CDH8: variants seen among roughly 807,000 people sequenced by gnomAD.
The protein encoded by CDH8 is cadherin-8.
CDH8 carries 17 observed loss-of-function variants against 68.1 expected under a neutral mutation model. The observed-to-expected ratio is 0.25, with a 90% CI of 0.17 to 0.37. The LOEUF (loss-of-function observed/expected upper bound fraction) is 0.37. Among genes scored for constraint, CDH8 ranks in the 10% least tolerant of loss-of-function variants. The pLI, the probability that CDH8 is intolerant of heterozygous loss-of-function variation, is 1.00. For synonymous variants in CDH8, 372 were observed against 365.1 expected, an observed-to-expected ratio of 1.02 and a Z score of -0.21; for missense variants, 763 against 999.3, an observed-to-expected ratio of 0.76 and a Z score of 3.19.
intron 2 of CDH8, among the ~76,000 whole-genome samples, chr16:61,963,053 C>T (rs890972192): frequency 4.6e-5 from 7 of 152,040 alleles, no homozygotes; most frequent in East Asian, 3.9e-4. Context: ...TCGATAAACA[C>T]GTAAATTAAT....
At chr16:61,665,018 T>A (rs903420301) in intron 10 of CDH8, among the ~76,000 whole-genome samples, 1 of 152,072 alleles carries the variant, frequency 6.6e-6, no homozygotes, top group African/African-American at 2.4e-5. Context: ...ACGTAAATAA[T>A]TCTTCTGTTG....
rs11271459 is a variant in CDH8 at position 61,992,050 on chromosome 16, T to TTGTGTGTGTGTGTGTGTG, written c.252+29084_252+29101dup. Among the ~76,000 whole-genome samples the TTGTGTGTGTGTGTGTGTG allele has an allele frequency of 1.1e-3, 155 of 144,418 alleles. 2 individuals carry two copies. Among genetic ancestry groups the TTGTGTGTGTGTGTGTGTG allele is most frequent in the Admixed American group, 9.3e-3 (131 of 14,026 alleles). The allele number at this position is 144,418 out of a possible 152,430, so 94.7% of individuals were successfully genotyped here. On this transcript the variant is annotated intron_variant, in intron 2 of 11. Transcript: ENST00000577390. ...TTTCTGCACAATACATGCTAAATCT[T>TTGTGTGTGTGTGTGTGTG]TGTGTGTGTGTGTGTGTGTGTGTGT...
At chr16:61,692,140 T>C (rs1964237100) in intron 10 of CDH8, 1 of 152,078 alleles carries the variant, frequency 6.6e-6, no homozygotes, top group African/African-American at 2.4e-5. Flanking sequence ...TGATGAAAGT[T>C]TATCTATCTA....
intron 8 of CDH8, among the ~76,000 whole-genome samples, chr16:61,782,681 A>G (rs1399743179): frequency 7.3e-5 from 11 of 151,394 alleles, no homozygotes; most frequent in Middle Eastern, 3.4e-3. Context: ...GCAGACTTAA[A>G]TGTCCCTGTC....
chr16:61,748,818 C>T (rs1237646561), intron 8 of CDH8, among the ~76,000 whole-genome samples: 1 of 152,002 alleles, frequency 6.6e-6, no homozygotes, highest in Non-Finnish European at 1.5e-5. Context: ...ACAAGACCTC[C>T]TTCTTTGTGA....
At chr16:61,814,025 C>T (rs1393703178) in intron 7 of CDH8, among the ~76,000 whole-genome samples, 1 of 152,124 alleles carries the variant, frequency 6.6e-6, no homozygotes, top group Non-Finnish European at 1.5e-5. Context: ...TCTTAATTTG[C>T]ATTTAAGATG....
intron 2 of CDH8, among the ~76,000 whole-genome samples, chr16:61,906,354 C>T (rs77113585): frequency 0.02 from 3,118 of 152,216 alleles, 101 homozygotes; most frequent in African/African-American, 0.071. Flanking sequence ...GGATCTGGCA[C>T]GTTTACAACC....
At position 61,855,143 on chromosome 16, in the gene CDH8, C is replaced by A. The variant is rs374325241; in HGVS notation, c.667+1976G>T. Among the ~76,000 whole-genome samples, 7 of 152,188 alleles carry A rather than the reference C, an allele frequency of 4.6e-5. No homozygotes were observed. The East Asian group carries it at 1.4e-3, about 29-fold the overall frequency. ...CTCCATTACACTATCCACGATAATG[C>A]CAAATAAACTTTCTAAACTATAAAT... On this transcript the variant is annotated intron_variant, in intron 4 of 11. Coordinates refer to ENST00000577390, the MANE Select transcript of CDH8 (RefSeq NM_001796.5).
At chr16:61,774,294 G>A (rs189821687) in intron 8 of CDH8, among the ~76,000 whole-genome samples, 2 of 151,950 alleles carry the variant, frequency 1.3e-5, no homozygotes, top group Admixed American at 6.6e-5. Flanking sequence ...GACAGGGGAC[G>A]CGAGGCTCCT....
chr16:61,801,046 A>G (rs545752445), intron 7 of CDH8, among the ~76,000 whole-genome samples: 1 of 152,046 alleles, frequency 6.6e-6, no homozygotes, highest in South Asian at 2.1e-4. Flanking sequence ...TGTTTCTCTC[A>G]GAATATAAGC....
intron 4 of CDH8, among the ~76,000 whole-genome samples, chr16:61,828,775 C>G (rs1359218988): frequency 1.3e-5 from 2 of 151,742 alleles, no homozygotes; most frequent in African/African-American, 4.8e-5. Context: ...TTAACCTTAC[C>G]AACTCTGTGA....
intron 7 of CDH8, among the ~76,000 whole-genome samples, chr16:61,811,154 G>C (rs1201248009): frequency 1.3e-5 from 2 of 151,876 alleles, no homozygotes; most frequent in African/African-American, 2.4e-5. Flanking sequence ...GAAATTTCTT[G>C]ACAAAATGTA....
chr16:61,856,662 T>C (rs1326667368), intron 4 of CDH8, among the ~76,000 whole-genome samples: 2 of 152,176 alleles, frequency 1.3e-5, no homozygotes, highest in Non-Finnish European at 1.5e-5. Flanking sequence ...CACTGAATGA[T>C]TACCACATGA....
chr16:61,849,302 G>A (rs977644647), intron 4 of CDH8, among the ~76,000 whole-genome samples: 8 of 151,340 alleles, frequency 5.3e-5, no homozygotes, highest in African/African-American at 1.9e-4. Context: ...GGAAATCTAT[G>A]CCCATTACTG....
intron 4 of CDH8, among the ~76,000 whole-genome samples, chr16:61,831,198 A>G (rs1962446465): frequency 6.6e-6 from 1 of 151,826 alleles, no homozygotes; most frequent in Non-Finnish European, 1.5e-5. Flanking sequence ...TGAAAATTCA[A>G]GCAAACAAGA....
At chr16:61,793,648 T>C (rs1377248479) in intron 7 of CDH8, among the ~76,000 whole-genome samples, 2 of 152,078 alleles carry the variant, frequency 1.3e-5, no homozygotes, top group Non-Finnish European at 2.9e-5. Context: ...TTATCCAGTC[T>C]ATTGTTGATG....
intron 10 of CDH8, among the ~76,000 whole-genome samples, chr16:61,696,163 C>T (rs992789180): frequency 6.6e-6 from 1 of 152,190 alleles, no homozygotes; most frequent in Non-Finnish European, 1.5e-5. Context: ...AATCCCTCTG[C>T]TGAGGTCATT....
intron 4 of CDH8, among the ~76,000 whole-genome samples, chr16:61,834,172 T>G (rs900091926): frequency 3.3e-5 from 5 of 151,872 alleles, no homozygotes; most frequent in Non-Finnish European, 7.4e-5. Flanking sequence ...CCCTGGAGCA[T>G]GCAACCACTT....
At position 61,860,529 on chromosome 16, in the gene CDH8, C is replaced by T. The variant is rs562895342; in HGVS notation, c.548-3291G>A. 2.7e-3 allele frequency among the ~76,000 whole-genome samples: 412 copies of T among 152,106 alleles called. 3 individuals carry two copies. Among genetic ancestry groups the T allele is most frequent in the South Asian group, 0.01 (49 of 4,814 alleles). Reference sequence around the variant, plus strand: ...GAAAGATGTCTCTTCATGTAGAAGACCATATAACAATTTATTTTTTTGCTT... The same window carrying T: ...GAAAGATGTCTCTTCATGTAGAAGATCATATAACAATTTATTTTTTTGCTT... On this transcript the variant is annotated intron_variant, in intron 3 of 11. Coordinates refer to ENST00000577390, the MANE Select transcript of CDH8 (RefSeq NM_001796.5).
Sources: gnomAD v4.1 joint callset for allele counts (sites outside exome capture counted in the v4.1 genomes callset) on GRCh38, gnomAD v4.1.1 for gene constraint, MANE v1.5 for transcripts, NCBI Gene and HGNC (gene_info 2026-07-23, HGNC 2026-07-21) for gene names.